YIPF1: variants seen among roughly 807,000 people sequenced by gnomAD.
The protein encoded by YIPF1 is protein YIPF1.
YIPF1 carries 22 observed loss-of-function variants against 37.0 expected under a neutral mutation model. That is an observed-to-expected ratio of 0.59 (90% CI 0.42 to 0.85). The LOEUF is 0.85. Ranked by LOEUF, YIPF1 falls within the 40% of genes least tolerant of loss-of-function variation. The pLI, the probability that YIPF1 is intolerant of heterozygous loss-of-function variation, is 0.00. For missense variants in YIPF1, 355 were observed against 373.1 expected (o/e 0.95, Z 0.40); for synonymous variants, 128 against 131.9 (o/e 0.97, Z 0.21).
chr1:53,869,510 C>G (rs1368559607), intron 7 of YIPF1, among the ~76,000 whole-genome samples: 1 of 152,078 alleles, frequency 6.6e-6, no homozygotes, highest in East Asian at 1.9e-4. Flanking sequence ...AATAGCTTGC[C>G]CAACAGAGTA....
chr1:53,866,968 A>G, intron 7 of YIPF1, 44 bp from the exon 8 acceptor site: 1 of 1,576,020 alleles, frequency 6.3e-7, no homozygotes, highest in Admixed American at 1.9e-5. Flanking sequence ...TCATGCCTTT[A>G]GTAGACTATC....
intron 10 of YIPF1, among the ~76,000 whole-genome samples, chr1:53,853,167 T>C (rs577031129): frequency 6.6e-6 from 1 of 152,246 alleles, no homozygotes; most frequent in East Asian, 1.9e-4. Context: ...GGGACAGTGA[T>C]GAACAAGACA....
At chr1:53,882,489 ACT>A (rs1650528342) in intron 4 of YIPF1, among the ~76,000 whole-genome samples, 1 of 149,446 alleles carries the variant, frequency 6.7e-6, no homozygotes, top group South Asian at 2.1e-4. Context: ...ACAGGGTCTC[ACT>A]CTGTTGCCGA....
intron 9 of YIPF1, among the ~76,000 whole-genome samples, chr1:53,865,386 T>C (rs1649990081): frequency 6.6e-6 from 1 of 152,120 alleles, no homozygotes; most frequent in Admixed American, 6.5e-5. Flanking sequence ...AATATGTAAG[T>C]TAAAAACACC....
rs1300921584 is a variant in YIPF1, at chr1:53,878,315, C to T, written c.364G>A (p.Gly122Ser). The change falls in exon 6 of 11, where the codon GGC becomes AGC. Residue 122 changes from glycine (G) to serine (S), a missense_variant and splice_region_variant. Transcript: ENST00000072644. ...GTAAACAAATCAGTACTAAACATAC[C>T]ATAGAGATCTGGATTGCTGCGGATA... ...LYIRSNPDLYGPFWICATLVF... is the reference protein window; with the variant it reads ...LYIRSNPDLYSPFWICATLVF... 1.2e-6 allele frequency: 2 copies of T among 1,613,608 alleles called. No homozygotes were observed. Among genetic ancestry groups the T allele is most frequent in the Admixed American group, 1.7e-5 (1 of 59,958 alleles).
At chr1:53,885,544 G>C (rs1184575006) in intron 3 of YIPF1, among the ~76,000 whole-genome samples, 1 of 152,132 alleles carries the variant, frequency 6.6e-6, no homozygotes, top group East Asian at 1.9e-4. Flanking sequence ...AACTGGGCTG[G>C]ATGCAGTGGC....
chr1:53,870,576 A>G (rs1650162117), intron 7 of YIPF1, among the ~76,000 whole-genome samples: 1 of 152,200 alleles, frequency 6.6e-6, no homozygotes. Flanking sequence ...TGGCAATTGC[A>G]GATGACCCCA....
In YIPF1 at chr1:53,866,927, G is replaced by A. The variant is rs960754478; in HGVS notation, c.482-3C>T. On this transcript the variant is annotated splice_polypyrimidine_tract_variant and splice_region_variant and intron_variant, in intron 7 of 10. Transcript: ENST00000072644. ...GATGATGGTAGCTGCTATGGACACT[G>A]AGGATGACAGGACACAAGTTTCAAT... 7 of 1,606,366 alleles carry A rather than the reference G, an allele frequency of 4.4e-6. No homozygotes were observed. The African/African-American group carries it at 8.0e-5, about 18-fold the overall frequency.
At chr1:53,874,492 C>T (rs1313203944) in intron 6 of YIPF1, among the ~76,000 whole-genome samples, 2 of 152,136 alleles carry the variant, frequency 1.3e-5, no homozygotes, top group Non-Finnish European at 2.9e-5. Context: ...TTAGGCCGGG[C>T]ATGGTGGTTC....
chr1:53,873,966 CAA>C lies in YIPF1; in HGVS notation c.365-2480_365-2479del, dbSNP rs1228197379. ...TCTGGCACGGGAACAGCTGGAGAAA[CAA>C]TATTTTCAGGTGGCCTGAAAGGTCC... On this transcript the variant is annotated intron_variant, in intron 6 of 10. Coordinates refer to ENST00000072644, the MANE Select transcript of YIPF1 (RefSeq NM_018982.5). Among the ~76,000 whole-genome samples, 3 of 152,160 alleles carry C rather than the reference CAA, an allele frequency of 2.0e-5. No homozygotes were observed. The East Asian group carries it at 5.8e-4, about 29-fold the overall frequency.
intron 3 of YIPF1, among the ~76,000 whole-genome samples, chr1:53,886,318 C>T (rs1330159908): frequency 6.6e-6 from 1 of 151,896 alleles, no homozygotes; most frequent in Non-Finnish European, 1.5e-5. Flanking sequence ...AACATGACGA[C>T]TCTTCACACA....
chr1:53,889,751 C>T lies in YIPF1; in HGVS notation c.-308G>A, dbSNP rs964228512. On this transcript the variant is annotated 5_prime_UTR_variant, in exon 1 of 11. Transcript: ENST00000072644. The stretch of plus-strand genomic sequence containing the variant: ...GCGTCCCCCGGGTCCCGAGAAGGCT[C>T]GGGCCTCAGTTGCTCCGCGCCGGTT... 6.6e-6 allele frequency: 1 copy of T among 152,310 alleles called. No homozygotes were observed. The highest frequency in any genetic ancestry group is 1.5e-5 in the Non-Finnish European group (1 of 68,106). The allele number at this position is 152,310 out of a possible 1,614,324, so 9.4% of individuals were successfully genotyped here.
chr1:53,874,005 A>G (rs955204664), intron 6 of YIPF1, among the ~76,000 whole-genome samples: 6 of 152,134 alleles, frequency 3.9e-5, no homozygotes, highest in Non-Finnish European at 4.4e-5. Flanking sequence ...ACACCTGCCC[A>G]CCCACTACCT....
chr1:53,861,163 C>A (rs1649864255), intron 9 of YIPF1, among the ~76,000 whole-genome samples: 2 of 152,212 alleles, frequency 1.3e-5, no homozygotes, highest in South Asian at 4.1e-4. Flanking sequence ...TCTTTCTCTG[C>A]AGACTCCCTC....
chr1:53,880,897 A>T (rs1650478730), intron 4 of YIPF1, among the ~76,000 whole-genome samples: 1 of 152,186 alleles, frequency 6.6e-6, no homozygotes, highest in Non-Finnish European at 1.5e-5. Flanking sequence ...CTTATACCAT[A>T]AGCAAAAATT....
At chr1:53,875,471 C>T (rs1274978491) in intron 6 of YIPF1, among the ~76,000 whole-genome samples, 2 of 152,226 alleles carry the variant, frequency 1.3e-5, no homozygotes, top group South Asian at 2.1e-4. Context: ...GAGCCATTAT[C>T]GAGCCACTGC....
chr1:53,887,258 T>G (rs570095155), intron 3 of YIPF1, among the ~76,000 whole-genome samples: 11 of 151,920 alleles, frequency 7.2e-5, no homozygotes, highest in Admixed American at 3.3e-4. Context: ...TTTTGTATTT[T>G]TAGTGGAGAC....
At chr1:53,881,811 A>T (rs1650508760) in intron 4 of YIPF1, among the ~76,000 whole-genome samples, 2 of 152,192 alleles carry the variant, frequency 1.3e-5, no homozygotes, top group Admixed American at 1.3e-4. Context: ...CGATTCCTCA[A>T]AGACCTAGAG....
chr1:53,857,423 C>T (rs1367576149), intron 10 of YIPF1, among the ~76,000 whole-genome samples: 11 of 152,160 alleles, frequency 7.2e-5, no homozygotes, highest in African/African-American at 9.7e-5. Flanking sequence ...CCTCTAGACC[C>T]GCAGAGGAAG....
Sources: allele counts gnomAD v4.1 joint callset (sites outside exome capture counted in the v4.1 genomes callset), GRCh38; gene constraint gnomAD v4.1.1; transcripts MANE v1.5; gene names NCBI Gene and HGNC (gene_info 2026-07-23, HGNC 2026-07-21).